Variants in RPRD2 observed in about 807,000 individuals in gnomAD.
The protein encoded by RPRD2 is regulation of nuclear pre-mRNA domain-containing protein 2.
A neutral mutation model predicts 104.4 loss-of-function variants in RPRD2; 12 were observed. The ratio of observed to expected loss-of-function variants is 0.11; its 90% CI spans 0.07 to 0.19. The LOEUF is 0.19. Among genes scored for constraint, RPRD2 ranks in the 10% least tolerant of loss-of-function variants. The pLI, the probability that RPRD2 is intolerant of heterozygous loss-of-function variation, is 1.00. For synonymous variants in RPRD2, 714 were observed against 684.9 expected, an observed-to-expected ratio of 1.04 and a Z score of -0.66; for missense variants, 1,543 against 1,790.1, an observed-to-expected ratio of 0.86 and a Z score of 2.49.
In RPRD2 at chr1:150,417,699, A is replaced by T; in HGVS notation, c.309A>T (p.Val103=). 1 of 1,606,876 alleles carries T rather than the reference A, an allele frequency of 6.2e-7. No individual in the cohort carries two copies. ...AIIFRESFAD[V]LPEAAALVKD... is the part of the protein sequence containing the mutation. ...TATTCCGTGAATCATTTGCTGATGT[A>T]CTTCCTGAAGCAGCTGCTCTAGTGA... The change falls in exon 2 of 11, where the codon GTA becomes GTT. Residue 103 remains valine (V), a synonymous_variant. Transcript: ENST00000369068.
chr1:150,421,421 T>G (rs1431925727), intron 2 of RPRD2, among the ~76,000 whole-genome samples: 2 of 152,172 alleles, frequency 1.3e-5, no homozygotes, highest in African/African-American at 4.8e-5. Flanking sequence ...TTGGTATTGT[T>G]AAAAATACAT....
intron 1 of RPRD2, among the ~76,000 whole-genome samples, chr1:150,386,310 C>T (rs782464514): frequency 1.3e-5 from 2 of 151,846 alleles, no homozygotes; most frequent in Non-Finnish European, 2.9e-5. Context: ...GTTGGCCAGG[C>T]GTGGTAGCTC....
Position 150,474,052 on chromosome 1 carries a change from C to T in RPRD2, c.*718C>T, listed in dbSNP as rs1213173120. On this transcript the variant is annotated 3_prime_UTR_variant, in exon 11 of 11. Transcript: ENST00000369068. The stretch of plus-strand genomic sequence containing the variant: ...GGAAGCATTAATGGTGTGATGTGAC[C>T]TGCCTGTTTTTTTGTAAACAAGAGA... 1 of 151,976 alleles carries T rather than the reference C, an allele frequency of 6.6e-6. No homozygotes were observed. Among genetic ancestry groups the T allele is most frequent in the Non-Finnish European group, 1.5e-5 (1 of 68,012 alleles). 9.4% of individuals were successfully genotyped at this position (151,976 alleles called of 1,614,324 possible). A position where few individuals can be genotyped will look rare whatever the true frequency, so the allele number is the denominator to read the frequency against.
chr1:150,467,724 G>C (rs11581351), intron 10 of RPRD2, among the ~76,000 whole-genome samples: 47,420 of 151,952 alleles, frequency 0.31, 8,455 homozygotes, highest in Non-Finnish European at 0.4. Context: ...GGTTCCTTAT[G>C]GAATGTGGAA....
chr1:150,423,363 G>GACACAATA (rs1664895070), intron 2 of RPRD2, among the ~76,000 whole-genome samples: 4 of 152,120 alleles, frequency 2.6e-5, no homozygotes, highest in African/African-American at 9.7e-5. Flanking sequence ...GTGTCAGGAT[G>GACACAATA]GTGTAAGAGT....
At position 150,441,941 on chromosome 1, in the gene RPRD2, A is replaced by C; in HGVS notation, c.497A>C (p.Gln166Pro). Residue 166 changes from glutamine (Q) to proline (P), a missense_variant, in exon 4 of 11, where the codon CAG (glutamine) becomes CCG (proline). Around this residue, in one of 4 missense-constraint regions of RPRD2, gnomAD observed 572 missense variants for 787.3 expected, o/e 0.73. Transcript: ENST00000369068. ...KENLNKQPNK[Q>P]WKKSQTSTNP... ...AATCTGAACAAACAACCGAATAAGC[A>C]GTGGAAGAAATCACAAAGTAAGGAA... is the stretch of plus-strand genomic sequence containing the variant. 1 of 1,611,660 alleles carries C rather than the reference A, an allele frequency of 6.2e-7. No individual in the cohort carries two copies.
intron 7 of RPRD2, among the ~76,000 whole-genome samples, chr1:150,457,056 T>C (rs1192237071): frequency 6.6e-6 from 1 of 152,052 alleles, no homozygotes; most frequent in Admixed American, 6.6e-5. Flanking sequence ...AAACCCCATC[T>C]CTATTAAAAA....
chr1:150,370,441 A>G (rs1487378819), intron 1 of RPRD2, among the ~76,000 whole-genome samples: 2 of 152,090 alleles, frequency 1.3e-5, no homozygotes, highest in East Asian at 1.9e-4. Context: ...GACACTGTCT[A>G]CAGTGCTGGA....
chr1:150,417,163 G>A (rs1447681386), intron 1 of RPRD2, among the ~76,000 whole-genome samples: 1 of 129,470 alleles, frequency 7.7e-6, no homozygotes, highest in Non-Finnish European at 1.8e-5. Context: ...AGTTGAGCAT[G>A]TTCAACTCAT....
chr1:150,466,177 T>G (rs1668259244), intron 10 of RPRD2, among the ~76,000 whole-genome samples: 1 of 151,754 alleles, frequency 6.6e-6, no homozygotes, highest in African/African-American at 2.4e-5. Flanking sequence ...AGGAGATCGA[T>G]ACCATCCTGG....
At chr1:150,383,607 G>A (rs147031618) in intron 1 of RPRD2, among the ~76,000 whole-genome samples, 2 of 152,144 alleles carry the variant, frequency 1.3e-5, no homozygotes, top group African/African-American at 4.8e-5. Flanking sequence ...GTGAGCCACC[G>A]TGCCCAGCCA....
intron 7 of RPRD2, among the ~76,000 whole-genome samples, chr1:150,446,914 C>T (rs1362329013): frequency 6.7e-6 from 1 of 149,664 alleles, no homozygotes; most frequent in Non-Finnish European, 1.5e-5. Context: ...CAGCACACAG[C>T]AACCTCCGCC....
Position 150,476,058 on chromosome 1 carries a change from A to ATTTTGAAAGAGTTT in RPRD2, c.*2725_*2738dup, listed in dbSNP as rs1668875915. ...CAGTTCAGAAATAGGGTCCTTAAGT[A>ATTTTGAAAGAGTTT]TTTTGAAAGAGTTTACTCTTCAGTC... On this transcript the variant is annotated 3_prime_UTR_variant, in exon 11 of 11. Transcript: ENST00000369068. 1.3e-5 allele frequency: 2 copies of ATTTTGAAAGAGTTT among 152,156 alleles called. No individual in the cohort carries two copies. The highest frequency in any genetic ancestry group is 2.9e-5 in the Non-Finnish European group (2 of 68,030). 9.4% of individuals were successfully genotyped at this position (152,156 alleles called of 1,614,324 possible).
At chr1:150,404,935 T>C (rs1390262758) in intron 1 of RPRD2, among the ~76,000 whole-genome samples, 2 of 152,264 alleles carry the variant, frequency 1.3e-5, no homozygotes, top group Non-Finnish European at 2.9e-5. Flanking sequence ...GAATTCAGAC[T>C]ACCATATCTT....
chr1:150,431,738 C>T (rs1236324231), intron 2 of RPRD2, among the ~76,000 whole-genome samples: 1 of 151,908 alleles, frequency 6.6e-6, no homozygotes, highest in Non-Finnish European at 1.5e-5. Flanking sequence ...ATGTCAGCCT[C>T]CCAAAGTGCT....
chr1:150,473,430 G>C lies in RPRD2; in HGVS notation c.*96G>C. On this transcript the variant is annotated 3_prime_UTR_variant, in exon 11 of 11. Transcript: ENST00000369068. Reference sequence around the variant, plus strand: ...TGTTTTTATTTGTTTTCTCTTTCTCGATTTTTTTTTTATTATAACAAAGGG... The same window carrying C: ...TGTTTTTATTTGTTTTCTCTTTCTCCATTTTTTTTTTATTATAACAAAGGG... 1 of 1,288,784 alleles carries C rather than the reference G, an allele frequency of 7.8e-7. No homozygotes were observed. Among genetic ancestry groups the C allele is most frequent in the East Asian group, 2.4e-5 (1 of 41,958 alleles). 79.8% of individuals were successfully genotyped at this position (1,288,784 alleles called of 1,614,324 possible).
At chr1:150,417,746 C>T (rs1553888853) in intron 2 of RPRD2, 21 bp downstream of exon 2, 24 of 1,547,054 alleles carry the variant, frequency 1.6e-5, no homozygotes, top group Non-Finnish European at 2.1e-5. Context: ...CTTTATTGCT[C>T]TATGGGATCT....
intron 2 of RPRD2, among the ~76,000 whole-genome samples, chr1:150,437,902 G>A (rs1489979542): frequency 6.7e-6 from 1 of 149,436 alleles, no homozygotes; most frequent in Non-Finnish European, 1.5e-5. Flanking sequence ...TTTTCTAGAG[G>A]TTTATTAACC....
rs782660790 is a variant in RPRD2, at chr1:150,444,424, G to A, written c.694+47G>A. On this transcript the variant is annotated intron_variant, in intron 6 of 10. Coordinates refer to ENST00000369068, the MANE Select transcript of RPRD2 (RefSeq NM_015203.5). ...AGTAAGTCAGATTTTCTTTCCATATGTGTCATTTTTCCAGTAATCATACTG... is the reference window on the plus strand; with the variant it reads ...AGTAAGTCAGATTTTCTTTCCATATATGTCATTTTTCCAGTAATCATACTG... 1.9e-5 allele frequency: 30 copies of A among 1,587,086 alleles called. No individual in the cohort carries two copies. The Admixed American group carries it at 4.1e-4, about 21-fold the overall frequency.
Sources: allele counts gnomAD v4.1 joint callset (sites outside exome capture counted in the v4.1 genomes callset), GRCh38; gene constraint gnomAD v4.1.1; regional missense constraint gnomAD v4.1.1; transcripts MANE v1.5; gene names NCBI Gene and HGNC (gene_info 2026-07-23, HGNC 2026-07-21).